The following RBM19 variants were observed in gnomAD, a reference collection of about 807,000 sequenced individuals.
RBM19 encodes RNA binding motif protein 19.
A neutral mutation model predicts 116.8 loss-of-function variants in RBM19; 94 were observed. The ratio of observed to expected loss-of-function variants is 0.80; its 90% CI spans 0.68 to 0.95. The LOEUF is 0.95. RBM19 is among the 40% of genes least tolerant of loss of function. The pLI is 0.00. For missense variants in RBM19, 1,161 were observed against 1,220.7 expected (o/e 0.95, Z 0.73); for synonymous variants, 475 against 494.1 (o/e 0.96, Z 0.51).
chr12:113,886,674 T>C (rs939865067), intron 21 of RBM19, among the ~76,000 whole-genome samples: 11 of 149,842 alleles, frequency 7.3e-5, no homozygotes, highest in African/African-American at 2.7e-4. Context: ...TTTGTTTTGT[T>C]TTTGCTTTTG....
chr12:113,936,893 A>G, intron 16 of RBM19, 114 bp downstream of exon 16: 1 of 1,396,024 alleles, frequency 7.2e-7, no homozygotes. Context: ...GGTCTCTAGC[A>G]TGAACAAAGA....
intron 23 of RBM19, among the ~76,000 whole-genome samples, chr12:113,844,432 C>T (rs144189466): frequency 6.6e-6 from 1 of 152,326 alleles, no homozygotes; most frequent in African/African-American, 2.4e-5. Flanking sequence ...CGACTGCAAC[C>T]CAAAGGGGCA....
intron 8 of RBM19, among the ~76,000 whole-genome samples, chr12:113,951,911 C>T (rs1042061164): frequency 1.3e-5 from 2 of 152,224 alleles, no homozygotes; most frequent in African/African-American, 2.4e-5. Context: ...AGCTACAGGG[C>T]CTCAGTGTGG....
intron 21 of RBM19, among the ~76,000 whole-genome samples, chr12:113,893,023 TTGA>T (rs1040469330): frequency 2.2e-5 from 3 of 134,836 alleles, no homozygotes; most frequent in African/African-American, 9.2e-5. Context: ...ACTGTAACTA[TTGA>T]TTTTTTTTTT....
At chr12:113,920,553 G>T in intron 19 of RBM19, 58 bp downstream of exon 19, 1 of 1,457,256 alleles carries the variant, frequency 6.9e-7, no homozygotes, top group Non-Finnish European at 9.6e-7. Context: ...GGGCTGACGG[G>T]ACCTCCCACT....
downstream of RBM19, among the ~76,000 whole-genome samples, chr12:113,821,486 T>C (rs1874410642): frequency 6.6e-6 from 1 of 152,178 alleles, no homozygotes; most frequent in Non-Finnish European, 1.5e-5. Flanking sequence ...AGCCCTGTCA[T>C]TCCGCATGAC....
At chr12:113,937,568 A>T (rs3837471) in intron 15 of RBM19, among the ~76,000 whole-genome samples, 1 of 88,064 alleles carries the variant, frequency 1.1e-5, no homozygotes. Context: ...CACGGGCAAC[A>T]CCTGTATACG....
chr12:113,826,099 G>C (rs1366708529), intron 23 of RBM19, among the ~76,000 whole-genome samples: 1 of 152,154 alleles, frequency 6.6e-6, no homozygotes, highest in Admixed American at 6.5e-5. Flanking sequence ...CTTTGGTCTG[G>C]AATGCTCTTC....
Position 113,945,898 on chromosome 12 carries a change from A to G in RBM19, c.1556T>C (p.Met519Thr), listed in dbSNP as rs1225692806. ...ASSHNWNTLF[M>T]GPNAVADAIA... ...GGCATCGGCCACGGCATTCGGCCCCATGAATAGTGTGTTCCAGTTGTGAGA... is the reference window on the plus strand; with the variant it reads ...GGCATCGGCCACGGCATTCGGCCCCGTGAATAGTGTGTTCCAGTTGTGAGA... The change falls in exon 13 of 24, where the codon ATG (methionine) becomes ACG (threonine). Residue 519 changes from methionine to threonine, a missense_variant. By Grantham distance (81) the Met-to-Thr change is moderately conservative. Coordinates refer to ENST00000261741, the MANE Select transcript of RBM19 (RefSeq NM_016196.4). 1.3e-6 allele frequency: 2 copies of G among 1,587,408 alleles called. No homozygotes were observed. The highest frequency in any genetic ancestry group is 1.7e-5 in the Admixed American group (1 of 59,988).
intron 4 of RBM19, among the ~76,000 whole-genome samples, 178 bp from the exon 5 acceptor site, chr12:113,959,582 C>T (rs12425050): frequency 0.042 from 6,354 of 152,258 alleles, 333 homozygotes; most frequent in Admixed American, 0.15. Flanking sequence ...CTGAGGAAGG[C>T]AGAGTTGACT....
chr12:113,890,664 G>A (rs1214034095), intron 21 of RBM19, among the ~76,000 whole-genome samples: 1 of 152,190 alleles, frequency 6.6e-6, no homozygotes, highest in African/African-American at 2.4e-5. Flanking sequence ...AGCTAGAAGT[G>A]CTGGCTTCTC....
chr12:113,850,900 C>T (rs1424491656), intron 22 of RBM19, among the ~76,000 whole-genome samples: 1 of 152,246 alleles, frequency 6.6e-6, no homozygotes, highest in Admixed American at 6.5e-5. Context: ...GAGTAAGTGG[C>T]TGGCACTGTT....
chr12:113,940,019 C>G lies in RBM19; in HGVS notation c.1879G>C (p.Val627Leu), dbSNP rs757063191. 6.2e-6 allele frequency: 10 copies of G among 1,614,130 alleles called. No individual in the cohort carries two copies. The highest frequency in any genetic ancestry group is 8.5e-6 in the Non-Finnish European group (10 of 1,180,008). The change falls in exon 15 of 24, where the codon GTG becomes CTG. Residue 627 changes from valine to leucine, a missense_variant. Coordinates refer to ENST00000261741, the MANE Select transcript of RBM19 (RefSeq NM_016196.4). Reference protein sequence around the residue: ...LLPEGGITAIVEFLEPLEARK... With the variant: ...LLPEGGITAILEFLEPLEARK... ...GCCTCCAGGGGCTCCAGGAACTCCA[C>G]GATGGCAGTGATTCCGCCCTCTGGC... is the stretch of plus-strand genomic sequence containing the variant.
At chr12:113,942,783 A>G (rs1487647643) in intron 13 of RBM19, among the ~76,000 whole-genome samples, 1 of 151,634 alleles carries the variant, frequency 6.6e-6, no homozygotes, top group African/African-American at 2.4e-5. Flanking sequence ...GCTCATTTTT[A>G]TATTTTTTGT....
rs1386473520 is a variant in RBM19 at position 113,903,663 on chromosome 12, C to T, written c.2558+11306G>A. 2.6e-5 allele frequency among the ~76,000 whole-genome samples: 4 copies of T among 152,292 alleles called. No individual in the cohort carries two copies. Among genetic ancestry groups the T allele is most frequent in the African/African-American group, 2.4e-5 (1 of 41,556 alleles). On this transcript the variant is annotated intron_variant, in intron 21 of 23. Coordinates refer to ENST00000261741, the MANE Select transcript of RBM19 (RefSeq NM_016196.4). This position sits in a 1 kb window ranked among gnomAD's most constrained non-coding sequence, Gnocchi z 5.1. ...TATTTTTTATTTTAGCCATCCTGAC[C>T]GTTACATGTATATTCATTTGTTTGT...
At chr12:113,906,244 T>C (rs114356556) in intron 21 of RBM19, among the ~76,000 whole-genome samples, 1 of 152,158 alleles carries the variant, frequency 6.6e-6, no homozygotes, top group Non-Finnish European at 1.5e-5. Flanking sequence ...GTAAGTATAT[T>C]GCAACATATT....
intron 13 of RBM19, 68 bp from the exon 14 acceptor site, chr12:113,942,502 C>T (rs1258319005): frequency 6.8e-6 from 9 of 1,320,012 alleles, no homozygotes; most frequent in Non-Finnish European, 8.4e-6. Context: ...CTCCCATCTC[C>T]CAACAGCCTG....
chr12:113,944,093 G>GTTTTTTTTTTTTTT lies in RBM19; in HGVS notation c.1627-1673_1627-1660dup, dbSNP rs71433305. On this transcript the variant is annotated intron_variant, in intron 13 of 23. Coordinates refer to ENST00000261741, the MANE Select transcript of RBM19 (RefSeq NM_016196.4). ...CAGCTGCCTCTAACTCCAGATGCAT[G>GTTTTTTTTTTTTTT]TTTTTTTTTTTTTTTTTTTTTTTTG... is the stretch of plus-strand genomic sequence containing the variant. Among the ~76,000 whole-genome samples the GTTTTTTTTTTTTTT allele has an allele frequency of 6.4e-3, 436 of 67,632 alleles. 42 individuals carry two copies. Among genetic ancestry groups the GTTTTTTTTTTTTTT allele is most frequent in the African/African-American group, 0.016 (250 of 15,858 alleles). 44.4% of individuals were successfully genotyped at this position (67,632 alleles called of 152,430 possible).
intron 23 of RBM19, among the ~76,000 whole-genome samples, chr12:113,834,908 G>A (rs566673524): frequency 6.4e-4 from 98 of 152,344 alleles, no homozygotes; most frequent in African/African-American, 2.3e-3. Flanking sequence ...ACTGAGTTAC[G>A]TAAAACCACC....
Sources: gnomAD v4.1 joint callset for allele counts (sites outside exome capture counted in the v4.1 genomes callset) on GRCh38, gnomAD v4.1.1 for gene constraint, Gnocchi (gnomAD v3.1) non-coding constraint, MANE v1.5 for transcripts, NCBI Gene and HGNC (gene_info 2026-07-23, HGNC 2026-07-21) for gene names.